The following AGBL1 variants were observed in gnomAD, a reference collection of about 807,000 sequenced individuals.
AGBL1 encodes the protein AGBL carboxypeptidase 1.
A neutral mutation model predicts 118.9 loss-of-function variants in AGBL1; 130 were observed. The observed-to-expected ratio is 1.09, with a 90% CI of 0.95 to 1.26. The LOEUF (loss-of-function observed/expected upper bound fraction) is 1.26. Ranked by LOEUF, AGBL1 falls within the 50% of genes most tolerant of loss-of-function variation. AGBL1 has a pLI of 0.00. For missense variants in AGBL1, 1,584 were observed against 1,298.1 expected (o/e 1.22, Z -3.38); for synonymous variants, 555 against 478.9 (o/e 1.16, Z -2.08).
At chr15:86,100,373 C>T (rs755397919) in intron 1 of AGBL1, among the ~76,000 whole-genome samples, 1 of 152,076 alleles carries the variant, frequency 6.6e-6, no homozygotes, top group Non-Finnish European at 1.5e-5. Context: ...CTCACCTCTT[C>T]AATTTTTTGG....
intron 5 of AGBL1, among the ~76,000 whole-genome samples, chr15:86,205,944 C>T (rs555587956): frequency 4.6e-5 from 7 of 152,272 alleles, no homozygotes; most frequent in East Asian, 3.9e-4. Context: ...TCGTCATTTA[C>T]ATTAGGTATT....
chr15:86,902,402 ACAC>A (rs140969542), intron 22 of AGBL1, among the ~76,000 whole-genome samples: 7,396 of 152,198 alleles, frequency 0.049, 180 homozygotes, highest in African/African-American at 0.052. Flanking sequence ...ATAGTAAAAA[ACAC>A]CACACAATTT....
chr15:86,314,678 C>T (rs139448196), intron 17 of AGBL1, among the ~76,000 whole-genome samples: 52 of 152,222 alleles, frequency 3.4e-4, no homozygotes, highest in African/African-American at 1.1e-3. Flanking sequence ...TTGGAGCTCC[C>T]GCTTGTAACA....
intron 15 of AGBL1, among the ~76,000 whole-genome samples, chr15:86,278,782 T>C (rs543245405): frequency 1.2e-3 from 178 of 152,320 alleles, no homozygotes; most frequent in Non-Finnish European, 2.2e-3. Context: ...CCTGTGCAGC[T>C]GTCTCAGCAT....
chr15:86,247,833 C>T lies in AGBL1; in HGVS notation c.689C>T (p.Ala230Val), dbSNP rs772733514. 2 of 1,613,810 alleles carry T rather than the reference C, an allele frequency of 1.2e-6. No homozygotes were observed. The highest frequency in any genetic ancestry group is 2.7e-5 in the African/African-American group (2 of 74,924). Reference protein sequence around the residue: ...HIAALRSGREAFLAAQGMEIL... With the variant: ...HIAALRSGREVFLAAQGMEIL... ...GCTGCCCTCCGGTCCGGCAGGGAGG[C>T]CTTCCTGGCAGCACAGGGCATGGAG... The change falls in exon 7 of 23, where the codon GCC becomes GTC. Residue 230 changes from alanine to valine, a missense_variant. By Grantham distance (64) the Ala-to-Val change is moderately conservative. Coordinates refer to ENST00000614907, the MANE Select transcript of AGBL1 (RefSeq NM_001386094.1).
chr15:86,400,508 C>T (rs1304637318), intron 18 of AGBL1, among the ~76,000 whole-genome samples: 6 of 148,876 alleles, frequency 4.0e-5, no homozygotes, highest in East Asian at 4.0e-4. Flanking sequence ...TTTTTGGCTA[C>T]GTGGATAAGT....
intron 23 of AGBL1, among the ~76,000 whole-genome samples, chr15:86,961,526 G>A (rs1567261041): frequency 6.6e-6 from 1 of 152,074 alleles, no homozygotes; most frequent in Non-Finnish European, 1.5e-5. Flanking sequence ...ACACACAGGG[G>A]AGAGGGTCCA....
At chr15:86,619,738 A>T (rs1290311524) in intron 21 of AGBL1, among the ~76,000 whole-genome samples, 1 of 152,206 alleles carries the variant, frequency 6.6e-6, no homozygotes, top group African/African-American at 2.4e-5. Flanking sequence ...ACAAGCAGTG[A>T]AATAGAGGTA....
rs1158353291 is a variant in AGBL1 at position 86,892,361 on chromosome 15, A to T, written c.3159-14726A>T. 2.6e-5 allele frequency among the ~76,000 whole-genome samples: 4 copies of T among 152,242 alleles called. No homozygotes were observed. In the East Asian group the frequency reaches 5.8e-4, roughly 22 times the overall value. Reference sequence around the variant, plus strand: ...TTTTTTCTAGAGCTCTAGATCATGTAACAGAGTTCATGACTTCGATTGGGG... The same window carrying T: ...TTTTTTCTAGAGCTCTAGATCATGTTACAGAGTTCATGACTTCGATTGGGG... On this transcript the variant is annotated intron_variant, in intron 22 of 22. Coordinates refer to ENST00000614907, the MANE Select transcript of AGBL1 (RefSeq NM_001386094.1).
chr15:86,541,780 G>C (rs2083500980), intron 19 of AGBL1, among the ~76,000 whole-genome samples: 1 of 152,040 alleles, frequency 6.6e-6, no homozygotes, highest in African/African-American at 2.4e-5. Context: ...TCTAGAGACT[G>C]AGCCAATTTT....
At chr15:86,448,376 A>ATCT (rs1335369384) in intron 18 of AGBL1, among the ~76,000 whole-genome samples, 1 of 152,200 alleles carries the variant, frequency 6.6e-6, no homozygotes, top group Non-Finnish European at 1.5e-5. Context: ...CTCAGGTCAG[A>ATCT]CAGGCATCCC....
intron 24 of AGBL1, among the ~76,000 whole-genome samples, chr15:87,023,224 C>A (rs2141806859): frequency 6.6e-6 from 1 of 152,056 alleles, no homozygotes; most frequent in Middle Eastern, 3.4e-3. Context: ...CTATCTGCTG[C>A]CCTCAAGATA....
At chr15:86,653,231 G>T (rs2085407015) in intron 21 of AGBL1, among the ~76,000 whole-genome samples, 1 of 151,910 alleles carries the variant, frequency 6.6e-6, no homozygotes, top group East Asian at 1.9e-4. Context: ...GAAATAGTTA[G>T]CCCTGGCTTG....
At chr15:86,581,852 C>T (rs1181087036) in intron 21 of AGBL1, among the ~76,000 whole-genome samples, 2 of 152,148 alleles carry the variant, frequency 1.3e-5, no homozygotes, top group Non-Finnish European at 2.9e-5. Context: ...AGCCAAACCC[C>T]TCTCTTCATC....
chr15:86,938,411 T>C (rs2080703778), intron 23 of AGBL1, among the ~76,000 whole-genome samples: 1 of 152,200 alleles, frequency 6.6e-6, no homozygotes, highest in Non-Finnish European at 1.5e-5. Flanking sequence ...GTAGAGCTAC[T>C]AAAATAATCA....
In AGBL1 at chr15:86,242,549, A is replaced by G. The variant is rs955841712; in HGVS notation, c.527-5122A>G. ...GGATTTCAGAAAGGCAGTGACAGAA[A>G]GTTGAAGGGTCTGCCCACAGATTAG... On this transcript the variant is annotated intron_variant, in intron 6 of 22. Transcript: ENST00000614907. Among the ~76,000 whole-genome samples, 9 of 152,252 alleles carry G rather than the reference A, an allele frequency of 5.9e-5. No homozygotes were observed. In the East Asian group the frequency reaches 1.5e-3, roughly 26 times the overall value.
At chr15:86,926,765 T>A (rs1193283320) in intron 23 of AGBL1, among the ~76,000 whole-genome samples, 1 of 152,196 alleles carries the variant, frequency 6.6e-6, no homozygotes, top group African/African-American at 2.4e-5. Context: ...GAGGATTGGA[T>A]ACCACAGGGC....
In AGBL1 at chr15:86,820,672, C is replaced by T. The variant is rs563594963; in HGVS notation, c.3159-86415C>T. On this transcript the variant is annotated intron_variant, in intron 22 of 22. Coordinates refer to ENST00000614907, the MANE Select transcript of AGBL1 (RefSeq NM_001386094.1). ...GTTAGAATGGCGATCATTAAAAAGT[C>T]AGGAAACAACAGAAACTGGAGAGGA... Among the ~76,000 whole-genome samples the T allele has an allele frequency of 5.9e-5, 9 of 152,246 alleles. No homozygotes were observed. In the South Asian group the frequency reaches 1.7e-3, roughly 28 times the overall value.
chr15:86,638,539 T>C (rs1325181494), intron 21 of AGBL1, among the ~76,000 whole-genome samples: 3 of 152,130 alleles, frequency 2.0e-5, no homozygotes, highest in Non-Finnish European at 2.9e-5. Context: ...ACTTGGTGGA[T>C]GGCCACAGCT....
Sources: allele counts gnomAD v4.1 joint callset (sites outside exome capture counted in the v4.1 genomes callset), GRCh38; gene constraint gnomAD v4.1.1; transcripts MANE v1.5; gene names NCBI Gene and HGNC (gene_info 2026-07-23, HGNC 2026-07-21).